Variants in MAPK4 observed in about 807,000 individuals in gnomAD.
The protein encoded by MAPK4 is mitogen-activated protein kinase 4, also known as Erk3-related.
Under a neutral mutation model 47.7 loss-of-function variants are expected in MAPK4, and 22 were observed. The observed-to-expected ratio is 0.46, with a 90% confidence interval of 0.33 to 0.66. The LOEUF (loss-of-function observed/expected upper bound fraction) is 0.66. Among genes scored for constraint, MAPK4 ranks in the 30% least tolerant of loss-of-function variants. The probability of loss-of-function intolerance (pLI) is 0.02; values close to 1 mark genes in which losing one functional copy is unlikely to be tolerated. For missense variants in MAPK4, 736 were observed against 831.7 expected (o/e 0.88, Z 1.42); for synonymous variants, 390 against 365.7 (o/e 1.07, Z -0.76).
chr18:50,698,716 A>G (rs368962398), intron 2 of MAPK4, among the ~76,000 whole-genome samples: 3 of 152,232 alleles, frequency 2.0e-5, no homozygotes, highest in African/African-American at 7.2e-5. Context: ...AAAGCCCTGA[A>G]AACAATATTG....
chr18:50,729,623 C>G lies in MAPK4; in HGVS notation c.1533C>G (p.Ala511=). Residue 511 remains alanine (A), a synonymous_variant, in exon 6 of 6, where the codon GCC becomes GCG. Transcript: ENST00000400384. Reference sequence around the variant, plus strand: ...GCCCAGAGCACGCCAGCCCGCCCGCCGACGACCCCGAGCGCCGCTTGTCTG... The same window carrying G: ...GCCCAGAGCACGCCAGCCCGCCCGCGGACGACCCCGAGCGCCGCTTGTCTG... The part of the protein sequence containing the change: ...QGGPEHASPP[A]DDPERRLSAS... 1 of 1,390,278 alleles carries G rather than the reference C, an allele frequency of 7.2e-7. No homozygotes were observed. The highest frequency in any genetic ancestry group is 9.3e-7 in the Non-Finnish European group (1 of 1,074,440). 86.1% of individuals were successfully genotyped at this position (1,390,278 alleles called of 1,614,324 possible).
Position 50,664,256 on chromosome 18 carries a change from G to A in MAPK4, c.298G>A (p.Val100Met), listed in dbSNP as rs199714690. Residue 100 changes from valine to methionine, a missense_variant, in exon 2 of 6, where the codon GTG becomes ATG. This residue lies in a region of MAPK4 where 327 missense variants were observed against 395.4 expected (regional missense o/e 0.83). Transcript: ENST00000400384. The surrounding 1 kb of genome is among the most constrained non-coding windows in gnomAD (Gnocchi z 6.0). Reference protein sequence around the residue: ...DLQGELFKFSVAYIVQEYMET... With the variant: ...DLQGELFKFSMAYIVQEYMET... ...GCAGGGTGAGCTGTTCAAGTTCAGC[G>A]TGGCGTACATCGTCCAGGAGTACAT... The A allele has an allele frequency of 7.6e-5, 123 of 1,613,896 alleles. 1 individual carries two copies. The South Asian group carries it at 7.8e-4, about 10-fold the overall frequency.
chr18:50,585,671 T>TA (rs1403065219), intron 1 of MAPK4, among the ~76,000 whole-genome samples: 1 of 152,134 alleles, frequency 6.6e-6, no homozygotes, highest in Non-Finnish European at 1.5e-5. Context: ...GCTTGGTAAG[T>TA]AGATATATTA....
Position 50,726,158 on chromosome 18 carries a change from G to C in MAPK4, c.1050G>C (p.Trp350Cys), listed in dbSNP as rs1277174119. 6.2e-7 allele frequency: 1 copy of C among 1,613,978 alleles called. No individual in the cohort carries two copies. Among genetic ancestry groups the C allele is most frequent in the South Asian group, 1.1e-5 (1 of 91,076 alleles). Residue 350 changes from tryptophan (W) to cysteine (C), a missense_variant, in exon 5 of 6, where the codon TGG becomes TGC. This residue lies in a region of MAPK4 where 377 missense variants were observed against 378.6 expected (regional missense o/e 1.00). Transcript: ENST00000400384. ...MAANQSQLSNWDTCSSRYPVS... is the reference protein window; with the variant it reads ...MAANQSQLSNCDTCSSRYPVS... ...CTAACCAGAGCCAGCTGTCCAACTG[G>C]GACACGTGCAGTTCCAGGTGCTCGC...
At chr18:50,585,908 C>T (rs925613672) in intron 1 of MAPK4, among the ~76,000 whole-genome samples, 3 of 152,184 alleles carry the variant, frequency 2.0e-5, no homozygotes, top group African/African-American at 7.2e-5. Flanking sequence ...GTCACAAGAA[C>T]AGCATGGGGG....
intron 5 of MAPK4, 65 bp from the exon 6 acceptor site, chr18:50,729,093 T>A: frequency 7.2e-7 from 1 of 1,392,042 alleles, no homozygotes; most frequent in Non-Finnish European, 9.8e-7. Context: ...ATTAGAGGGC[T>A]TGGCTCCCTC....
intron 1 of MAPK4, among the ~76,000 whole-genome samples, chr18:50,604,971 T>C (rs1000944783): frequency 1.3e-5 from 2 of 152,198 alleles, no homozygotes; most frequent in African/African-American, 4.8e-5. Flanking sequence ...ATTGAACATA[T>C]TTCTCTATTA....
At chr18:50,708,270 A>G (rs1468415145) in intron 2 of MAPK4, among the ~76,000 whole-genome samples, 1 of 152,220 alleles carries the variant, frequency 6.6e-6, no homozygotes, top group Admixed American at 6.5e-5. Context: ...GAGAGGCTGT[A>G]TATGTCTGCT....
At chr18:50,717,420 G>A (rs1335019895) in intron 3 of MAPK4, among the ~76,000 whole-genome samples, 1 of 152,086 alleles carries the variant, frequency 6.6e-6, no homozygotes, top group Non-Finnish European at 1.5e-5. Flanking sequence ...GGCATGGCCA[G>A]CACTCATGGC....
chr18:50,662,116 T>G (rs958858365), intron 1 of MAPK4, among the ~76,000 whole-genome samples: 3 of 152,252 alleles, frequency 2.0e-5, no homozygotes, highest in African/African-American at 7.2e-5. Flanking sequence ...GATAGCAAAG[T>G]GTCTCTATAG....
intron 2 of MAPK4, among the ~76,000 whole-genome samples, chr18:50,688,679 T>C (rs1909024874): frequency 6.6e-6 from 1 of 151,646 alleles, no homozygotes; most frequent in African/African-American, 2.4e-5. Flanking sequence ...AAGTTGGAGC[T>C]AAGCTATGAG....
chr18:50,698,664 G>A (rs1283134789), intron 2 of MAPK4, among the ~76,000 whole-genome samples: 1 of 152,136 alleles, frequency 6.6e-6, no homozygotes, highest in Non-Finnish European at 1.5e-5. Context: ...ATATGAAAAA[G>A]GAAAATTGCG....
At chr18:50,708,044 T>G (rs545651086) in intron 2 of MAPK4, among the ~76,000 whole-genome samples, 1 of 152,338 alleles carries the variant, frequency 6.6e-6, no homozygotes, top group Non-Finnish European at 1.5e-5. Flanking sequence ...TGCCAGATGA[T>G]TTCCCAGTGA....
chr18:50,605,259 T>G (rs1327528051), intron 1 of MAPK4, among the ~76,000 whole-genome samples: 1 of 152,184 alleles, frequency 6.6e-6, no homozygotes, highest in African/African-American at 2.4e-5. Context: ...AACTACTGGA[T>G]GGGCACTGGG....
chr18:50,590,680 G>A (rs775098308), intron 1 of MAPK4, among the ~76,000 whole-genome samples: 96 of 152,328 alleles, frequency 6.3e-4, no homozygotes, highest in Non-Finnish European at 1.1e-3. Flanking sequence ...GTGTGCATTA[G>A]CAATTCTGTT....
intron 2 of MAPK4, chr18:50,705,101 A>C: frequency 4.1e-6 from 1 of 246,176 alleles, no homozygotes; most frequent in East Asian, 7.7e-5. Context: ...CATACCCCAC[A>C]CGGCAGAGGG....
At chr18:50,651,916 G>T (rs1473014286) in intron 1 of MAPK4, among the ~76,000 whole-genome samples, 1 of 152,248 alleles carries the variant, frequency 6.6e-6, no homozygotes, top group Admixed American at 6.5e-5. Flanking sequence ...TTGGAGGTGT[G>T]TTGAGACTTG....
intron 2 of MAPK4, among the ~76,000 whole-genome samples, chr18:50,690,409 A>G (rs946571450): frequency 1.3e-5 from 2 of 152,248 alleles, no homozygotes; most frequent in Non-Finnish European, 2.9e-5. Context: ...TAACAGCTCA[A>G]TACCATGAGT....
rs1438506884 is a variant in MAPK4, at chr18:50,668,112, T to C, written c.546+3608T>C. On this transcript the variant is annotated intron_variant, in intron 2 of 5. Coordinates refer to ENST00000400384, the MANE Select transcript of MAPK4 (RefSeq NM_002747.4). Reference sequence around the variant, plus strand: ...GGTTAGGGTTAGGTTCATGTAACACTTCCTTACATTTATTATGAAGGACAT... The same window carrying C: ...GGTTAGGGTTAGGTTCATGTAACACCTCCTTACATTTATTATGAAGGACAT... 2.0e-5 allele frequency among the ~76,000 whole-genome samples: 3 copies of C among 152,224 alleles called. No individual in the cohort carries two copies. The East Asian group carries it at 5.8e-4, about 29-fold the overall frequency.
Sources: gnomAD v4.1 joint callset for allele counts (sites outside exome capture counted in the v4.1 genomes callset) on GRCh38, gnomAD v4.1.1 for gene constraint, gnomAD v4.1.1 regional missense constraint, Gnocchi (gnomAD v3.1) non-coding constraint, MANE v1.5 for transcripts, NCBI Gene and HGNC (gene_info 2026-07-23, HGNC 2026-07-21) for gene names.